The following CRB1 variants were observed in gnomAD, a reference collection of about 807,000 sequenced individuals.
CRB1 encodes the protein protein crumbs homolog 1.
A neutral mutation model predicts 120.0 loss-of-function variants in CRB1; 83 were observed. That is an observed-to-expected ratio of 0.69 (90% CI 0.58 to 0.83). The LOEUF (loss-of-function observed/expected upper bound fraction) is 0.83, where lower values mean the gene tolerates loss of function less well. CRB1 is among the 40% of genes least tolerant of loss of function. The probability of loss-of-function intolerance (pLI) is 0.00; values close to 1 mark genes in which losing one functional copy is unlikely to be tolerated. For synonymous variants in CRB1, 625 were observed against 612.5 expected (o/e 1.02, Z -0.30); for missense variants, 1,699 against 1,687.6 (o/e 1.01, Z -0.12).
the CRB1 span, among the ~76,000 whole-genome samples, chr1:197,257,115 G>A: frequency 1.3e-5 from 2 of 152,008 alleles, no homozygotes; most frequent in African/African-American, 2.4e-5. Flanking sequence ...CTCGGTCCAA[G>A]TCCATAGGCC....
intron 2 of CRB1, among the ~76,000 whole-genome samples, chr1:197,332,500 T>A (rs1317992010): frequency 1.3e-5 from 2 of 152,154 alleles, no homozygotes; most frequent in East Asian, 3.9e-4. Context: ...AAGAGACTCA[T>A]AAGGCAGATA....
Position 197,478,046 on chromosome 1 carries a change from G to C in CRB1, c.*167G>C. 1.4e-6 allele frequency: 1 copy of C among 719,398 alleles called. No homozygotes were observed. Among genetic ancestry groups the C allele is most frequent in the South Asian group, 1.6e-5 (1 of 61,798 alleles). 44.6% of individuals were successfully genotyped at this position (719,398 alleles called of 1,614,324 possible). Reference sequence around the variant, plus strand: ...AAAAACTTTCACAGTGGTTCCGCTCGACACCATTGTTTTATTATATTATAT... The same window carrying C: ...AAAAACTTTCACAGTGGTTCCGCTCCACACCATTGTTTTATTATATTATAT... On this transcript the variant is annotated 3_prime_UTR_variant, in exon 12 of 12. Transcript: ENST00000367400.
intron 1 of CRB1, among the ~76,000 whole-genome samples, chr1:197,311,997 T>C (rs1210351783): frequency 6.6e-6 from 1 of 152,146 alleles, no homozygotes; most frequent in African/African-American, 2.4e-5. Flanking sequence ...CTAAGGCTTT[T>C]CTCATAGTTT....
At chr1:197,451,691 T>C (rs1357218555) in intron 11 of CRB1, among the ~76,000 whole-genome samples, 5 of 152,216 alleles carry the variant, frequency 3.3e-5, no homozygotes, top group African/African-American at 1.2e-4. Context: ...TCCTCAATCA[T>C]TTCCAAACAA....
chr1:197,306,902 C>T (rs1657206222), intron 1 of CRB1, among the ~76,000 whole-genome samples: 1 of 152,152 alleles, frequency 6.6e-6, no homozygotes. Flanking sequence ...ATTCTAGTCA[C>T]ATCATGTTGT....
intron 1 of CRB1, among the ~76,000 whole-genome samples, chr1:197,310,136 A>C (rs1335285679): frequency 1.3e-5 from 2 of 152,216 alleles, no homozygotes; most frequent in Non-Finnish European, 2.9e-5. Context: ...GTTACCCAAC[A>C]GTGTAGGTTT....
intron 2 of CRB1, among the ~76,000 whole-genome samples, chr1:197,340,631 T>C (rs1479736064): frequency 2.0e-5 from 3 of 152,036 alleles, no homozygotes; most frequent in Non-Finnish European, 4.4e-5. Context: ...AAGAGAGAGA[T>C]GATGAGATCT....
chr1:197,317,586 C>T (rs1657929877), intron 1 of CRB1, among the ~76,000 whole-genome samples: 1 of 152,056 alleles, frequency 6.6e-6, no homozygotes, highest in Non-Finnish European at 1.5e-5. Flanking sequence ...CATGACCTGA[C>T]TTCAAAATAT....
At chr1:197,204,157 A>G in the CRB1 span, among the ~76,000 whole-genome samples, 37 of 152,358 alleles carry the variant, frequency 2.4e-4, no homozygotes, top group East Asian at 2.9e-3. Context: ...TCCATAATAT[A>G]TATGTATACT....
intron 8 of CRB1, among the ~76,000 whole-genome samples, chr1:197,431,810 G>A (rs111765382): frequency 2.6e-5 from 4 of 152,234 alleles, no homozygotes; most frequent in African/African-American, 7.2e-5. Context: ...GAGAGAAAAC[G>A]TAAATAAATA....
chr1:197,353,810 TAAATAAAAAAAA>T (rs1660248988), intron 4 of CRB1, among the ~76,000 whole-genome samples: 1 of 64,454 alleles, frequency 1.6e-5, no homozygotes, highest in African/African-American at 4.9e-5. Flanking sequence ...CAAAAATATA[TAAATAAAAAAAA>T]AAAAAAAAAA....
intron 1 of CRB1, among the ~76,000 whole-genome samples, chr1:197,323,050 A>G (rs572399768): frequency 7.2e-5 from 11 of 152,316 alleles, no homozygotes; most frequent in African/African-American, 2.6e-4. Flanking sequence ...GAAAGGAACC[A>G]ATAAATTGGA....
the CRB1 span, among the ~76,000 whole-genome samples, chr1:197,201,550 G>A: frequency 6.6e-6 from 1 of 152,232 alleles, no homozygotes; most frequent in African/African-American, 2.4e-5. Flanking sequence ...GTTACTCCGG[G>A]TTTTCGCAGT....
the CRB1 span, among the ~76,000 whole-genome samples, chr1:197,242,454 G>T: frequency 1.3e-5 from 2 of 152,216 alleles, no homozygotes; most frequent in East Asian, 3.9e-4. Flanking sequence ...TTTGTCATTG[G>T]TTGTTTTTAT....
chr1:197,439,538 C>T (rs1202939395), intron 10 of CRB1: 2 of 152,116 alleles, frequency 1.3e-5, no homozygotes, highest in Non-Finnish European at 2.9e-5. Context: ...GCCTTCAAAG[C>T]CTCTGCTCTT....
the CRB1 span, among the ~76,000 whole-genome samples, chr1:197,254,549 T>A: frequency 2.0e-4 from 30 of 152,186 alleles, no homozygotes; most frequent in African/African-American, 5.8e-4. Context: ...TCTACTTCTC[T>A]GTAGTGGTGA....
chr1:197,289,450 CTTGGTTGG>C (rs1490671715), intron 1 of CRB1, among the ~76,000 whole-genome samples: 1 of 151,288 alleles, frequency 6.6e-6, no homozygotes, highest in African/African-American at 2.4e-5. Flanking sequence ...TGTGATGTGC[CTTGGTTGG>C]GGATTTATAT....
chr1:197,326,744 T>A (rs896616873), intron 1 of CRB1, among the ~76,000 whole-genome samples: 2 of 152,058 alleles, frequency 1.3e-5, no homozygotes, highest in Non-Finnish European at 2.9e-5. Context: ...AATTTCATAA[T>A]TATTTTTGTC....
At chr1:197,237,872 C>A in the CRB1 span, among the ~76,000 whole-genome samples, 11 of 151,962 alleles carry the variant, frequency 7.2e-5, no homozygotes, top group African/African-American at 2.4e-4. Context: ...TTATTATTTT[C>A]TTCTTTCTGA....
Sources: allele counts gnomAD v4.1 joint callset (sites outside exome capture counted in the v4.1 genomes callset), GRCh38; gene constraint gnomAD v4.1.1; transcripts MANE v1.5; gene names NCBI Gene and HGNC (gene_info 2026-07-23, HGNC 2026-07-21).